Variants in PCDHGA6 observed in about 807,000 individuals in gnomAD.
The protein encoded by PCDHGA6 is protocadherin gamma subfamily A, 6.
Under a neutral mutation model 60.6 loss-of-function variants are expected in PCDHGA6, and 41 were observed. The observed-to-expected ratio is 0.68, with a 90% CI of 0.53 to 0.88. The LOEUF is 0.88. PCDHGA6 is among the 40% of genes least tolerant of loss of function. The pLI, the probability that PCDHGA6 is intolerant of heterozygous loss-of-function variation, is 0.00. For missense variants in PCDHGA6, 1,312 were observed against 1,203.0 expected (o/e 1.09, Z -1.34); for synonymous variants, 594 against 524.4 (o/e 1.13, Z -1.81).
chr5:141,453,101 T>TTTCTG (rs1554138035), intron 1 of PCDHGA6, among the ~76,000 whole-genome samples: 1 of 152,012 alleles, frequency 6.6e-6, no homozygotes, highest in Non-Finnish European at 1.5e-5. Context: ...TTCTGTTGCT[T>TTTCTG]TTTTGTTTTG....
chr5:141,393,622 A>C (rs776047060), intron 1 of PCDHGA6: 1 of 1,613,960 alleles, frequency 6.2e-7, no homozygotes, highest in Admixed American at 1.7e-5. Context: ...AGCGACCCGG[A>C]TGAGGGAATC....
chr5:141,450,832 T>A (rs192186566), intron 1 of PCDHGA6, among the ~76,000 whole-genome samples: 5,292 of 142,276 alleles, frequency 0.037, 115 homozygotes, highest in Middle Eastern at 0.096. Flanking sequence ...TATTATTATT[T>A]TTTTTTTTTT....
chr5:141,383,144 G>A (rs1306014093), intron 1 of PCDHGA6: 19 of 1,614,132 alleles, frequency 1.2e-5, no homozygotes, highest in Non-Finnish European at 1.4e-5. Flanking sequence ...CAGCGCAGCG[G>A]CAGCTTGGTC....
rs1188870363 is a variant in PCDHGA6 at position 141,490,058 on chromosome 5, C to A, written c.2425-4749C>A. 16 of 1,614,230 alleles carry A rather than the reference C, an allele frequency of 9.9e-6. No individual in the cohort carries two copies. In the East Asian group the frequency reaches 3.6e-4, roughly 36 times the overall value. The stretch of plus-strand genomic sequence containing the variant: ...AATGCCACTGATCCAGACGAGGGCA[C>A]CAACGGCCAACTAGACTATTCTTTT... On this transcript the variant is annotated intron_variant, in intron 1 of 3. Coordinates refer to ENST00000517434, the MANE Select transcript of PCDHGA6 (RefSeq NM_018919.3). This position sits in a 1 kb window ranked among gnomAD's most constrained non-coding sequence, Gnocchi z 5.4.
chr5:141,395,102 G>T (rs766050798), intron 1 of PCDHGA6: 3 of 1,614,172 alleles, frequency 1.9e-6, no homozygotes, highest in South Asian at 1.1e-5. Flanking sequence ...CCGCCGACTC[G>T]CGGAAGAGTC....
In PCDHGA6 at chr5:141,403,718, C is replaced by T. The variant is rs77227638; in HGVS notation, c.2424+27211C>T. 9.8e-3 allele frequency: 15,884 copies of T among 1,613,838 alleles called. 137 individuals carry two copies. The highest frequency in any genetic ancestry group is 0.011 in the Non-Finnish European group (12,686 of 1,179,868). ...CCGAGTTAAAGTCCTTGAGAACGTG[C>T]CCCCAGGCACCTGGCTGCTTACTGC... On this transcript the variant is annotated intron_variant, in intron 1 of 3. Coordinates refer to ENST00000517434, the MANE Select transcript of PCDHGA6 (RefSeq NM_018919.3).
Position 141,485,193 on chromosome 5 carries a change from G to C in PCDHGA6, c.2425-9614G>C. 1 of 1,613,988 alleles carries C rather than the reference G, an allele frequency of 6.2e-7. No individual in the cohort carries two copies. Among genetic ancestry groups the C allele is most frequent in the Non-Finnish European group, 8.5e-7 (1 of 1,179,852 alleles). On this transcript the variant is annotated intron_variant, in intron 1 of 3. Transcript: ENST00000517434. This position sits in a 1 kb window ranked among gnomAD's most constrained non-coding sequence, Gnocchi z 5.7. ...GCAGCAATGCTCCGCAAGGTGAGAA[G>C]CTGGACAGAAATCTGGCGGTGGGCT...
At chr5:141,414,244 T>A in intron 1 of PCDHGA6, 1 of 1,613,526 alleles carries the variant, frequency 6.2e-7, no homozygotes, top group Admixed American at 1.7e-5. Context: ...CACGTCTCTA[T>A]TTAGTCCAGT....
intron 1 of PCDHGA6, chr5:141,394,289 C>G (rs191844335): frequency 2.5e-6 from 4 of 1,613,954 alleles, no homozygotes; most frequent in Admixed American, 1.7e-5. Context: ...ACTCTGTGAC[C>G]GAGGACACGC....
chr5:141,489,300 C>G lies in PCDHGA6; in HGVS notation c.2425-5507C>G. The G allele has an allele frequency of 6.3e-7, 1 of 1,585,700 alleles. No individual in the cohort carries two copies. The highest frequency in any genetic ancestry group is 1.2e-5 in the South Asian group (1 of 85,012). Reference sequence around the variant, plus strand: ...AATGGCAAGTGCTGTGCATGTTGTCCTTGTGCTGCTGGGGCTGGGTGTCTG... The same window carrying G: ...AATGGCAAGTGCTGTGCATGTTGTCGTTGTGCTGCTGGGGCTGGGTGTCTG... On this transcript the variant is annotated intron_variant, in intron 1 of 3. Coordinates refer to ENST00000517434, the MANE Select transcript of PCDHGA6 (RefSeq NM_018919.3). This position sits in a 1 kb window ranked among gnomAD's most constrained non-coding sequence, Gnocchi z 4.5.
At chr5:141,462,651 CA>C (rs60282352) in intron 1 of PCDHGA6, among the ~76,000 whole-genome samples, 42,411 of 152,004 alleles carry the variant, frequency 0.28, 6,634 homozygotes, top group African/African-American at 0.43. Flanking sequence ...TTTCCATCCT[CA>C]ATTATCTTCA....
Position 141,489,560 on chromosome 5 carries a change from A to C in PCDHGA6, c.2425-5247A>C, listed in dbSNP as rs749076412. On this transcript the variant is annotated intron_variant, in intron 1 of 3. Coordinates refer to ENST00000517434, the MANE Select transcript of PCDHGA6 (RefSeq NM_018919.3). This position sits in a 1 kb window ranked among gnomAD's most constrained non-coding sequence, Gnocchi z 4.5. Reference sequence around the variant, plus strand: ...AGCACCAGCTGCCTGCTGCCAGTGCAGGTGGTGACTGAACACCCCCTGGAG... The same window carrying C: ...AGCACCAGCTGCCTGCTGCCAGTGCCGGTGGTGACTGAACACCCCCTGGAG... 2 of 1,614,142 alleles carry C rather than the reference A, an allele frequency of 1.2e-6. No individual in the cohort carries two copies. Among genetic ancestry groups the C allele is most frequent in the Admixed American group, 3.3e-5 (2 of 60,024 alleles).
chr5:141,417,783 C>T, intron 1 of PCDHGA6: 1 of 1,474,286 alleles, frequency 6.8e-7, no homozygotes, highest in Non-Finnish European at 9.0e-7. Flanking sequence ...TGTCCTGGGC[C>T]GAATGCTCTT....
chr5:141,395,177 T>A (rs1325466781), intron 1 of PCDHGA6: 1 of 1,614,120 alleles, frequency 6.2e-7, no homozygotes, highest in Non-Finnish European at 8.5e-7. Context: ...GTGAGAAAAA[T>A]GATTCTTTGT....
chr5:141,488,095 A>G (rs78361634), intron 1 of PCDHGA6, among the ~76,000 whole-genome samples: 8,142 of 152,146 alleles, frequency 0.054, 446 homozygotes, highest in African/African-American at 0.15. Flanking sequence ...CTGTGAAGGG[A>G]CCTCTCTATT....
At chr5:141,409,988 GC>G in intron 1 of PCDHGA6, 1 of 1,613,278 alleles carries the variant, frequency 6.2e-7, no homozygotes, top group Non-Finnish European at 8.5e-7. Flanking sequence ...AGCGGTGGAC[GC>G]CGACTCGGGA....
chr5:141,394,863 C>T (rs758408774), intron 1 of PCDHGA6: 37 of 1,613,708 alleles, frequency 2.3e-5, no homozygotes, highest in Non-Finnish European at 2.9e-5. Context: ...TTCGGTCGAC[C>T]CGAACGATTC....
intron 1 of PCDHGA6, among the ~76,000 whole-genome samples, chr5:141,492,437 C>T (rs182333697): frequency 8.5e-5 from 13 of 152,332 alleles, no homozygotes; most frequent in Admixed American, 8.5e-4. Flanking sequence ...CAGGAGTACT[C>T]GTAGCTGATT....
intron 3 of PCDHGA6, among the ~76,000 whole-genome samples, chr5:141,509,745 T>C (rs1456852988): frequency 6.6e-6 from 1 of 152,186 alleles, no homozygotes; most frequent in East Asian, 1.9e-4. Context: ...TCTGAGCCTG[T>C]GCCTAAAGTG....
Sources: allele counts gnomAD v4.1 joint callset (sites outside exome capture counted in the v4.1 genomes callset), GRCh38; gene constraint gnomAD v4.1.1; non-coding constraint Gnocchi (gnomAD v3.1); transcripts MANE v1.5; gene names NCBI Gene and HGNC (gene_info 2026-07-23, HGNC 2026-07-21).